Variants in SEMA6D observed in about 807,000 individuals in gnomAD.
The protein encoded by SEMA6D is semaphorin 6D, also known as semaphorin-6D.
A neutral mutation model predicts 106.6 loss-of-function variants in SEMA6D; 35 were observed. The ratio of observed to expected loss-of-function variants is 0.33; its 90% CI spans 0.25 to 0.44. The LOEUF is 0.44. Among genes scored for constraint, SEMA6D ranks in the 20% least tolerant of loss-of-function variants. The pLI, the probability that SEMA6D is intolerant of heterozygous loss-of-function variation, is 1.00. For missense variants in SEMA6D, 1,185 were observed against 1,345.9 expected (o/e 0.88, Z 1.87); for synonymous variants, 499 against 487.7 (o/e 1.02, Z -0.31).
At chr15:47,217,905 A>ACG (rs879678442) in intron 1 of SEMA6D, among the ~76,000 whole-genome samples, 5 of 149,942 alleles carry the variant, frequency 3.3e-5, no homozygotes, top group Admixed American at 2.7e-4. Context: ...ACACACACAC[A>ACG]CTTTTATAAA....
intron 2 of SEMA6D, among the ~76,000 whole-genome samples, chr15:47,454,599 G>GCACACACACA (rs71118183): frequency 0.023 from 3,441 of 148,966 alleles, 144 homozygotes; most frequent in African/African-American, 0.077. Flanking sequence ...TTGCACATGT[G>GCACACACACA]CACACACACA....
At chr15:47,264,341 GT>G (rs138062604) in intron 1 of SEMA6D, among the ~76,000 whole-genome samples, 55 of 148,814 alleles carry the variant, frequency 3.7e-4, no homozygotes, top group African/African-American at 1.1e-3. Flanking sequence ...AATTTAAAAG[GT>G]TTTTTTTTTT....
At position 47,448,374 on chromosome 15, in the gene SEMA6D, G is replaced by T. The variant is rs374158404; in HGVS notation, c.-158-22100G>T. On this transcript the variant is annotated intron_variant, in intron 2 of 19. Transcript: ENST00000558014. ...ACAGGAATAGAAATTGTCTTGTGAG[G>T]CTTCAGTGATTTGTGGCACGGCCTC... 6.6e-3 allele frequency among the ~76,000 whole-genome samples: 748 copies of T among 112,672 alleles called. 8 individuals carry two copies. The highest frequency in any genetic ancestry group is 0.033 in the African/African-American group (705 of 21,268). The allele number at this position is 112,672 out of a possible 152,430, so 73.9% of individuals were successfully genotyped here.
At chr15:47,612,377 C>T (rs538823380) in intron 4 of SEMA6D, among the ~76,000 whole-genome samples, 3 of 152,260 alleles carry the variant, frequency 2.0e-5, no homozygotes, top group African/African-American at 7.2e-5. Flanking sequence ...CCTACCTAAA[C>T]AGAAGAAATT....
intron 3 of SEMA6D, among the ~76,000 whole-genome samples, chr15:47,597,871 T>TAA (rs2076568532): frequency 6.7e-6 from 1 of 149,740 alleles, no homozygotes; most frequent in East Asian, 1.9e-4. Flanking sequence ...TATATATATA[T>TAA]AACATATAAA....
At chr15:47,476,431 A>C (rs1261142070) in intron 3 of SEMA6D, among the ~76,000 whole-genome samples, 1 of 152,124 alleles carries the variant, frequency 6.6e-6, no homozygotes, top group Non-Finnish European at 1.5e-5. Context: ...CATATATGTT[A>C]TCTCCAGGTT....
chr15:47,348,391 C>G (rs73401091), intron 1 of SEMA6D, among the ~76,000 whole-genome samples: 1,545 of 152,222 alleles, frequency 0.01, 24 homozygotes, highest in African/African-American at 0.036. Context: ...ATAAAACTCT[C>G]AGAACAGAAC....
At chr15:47,320,857 C>A (rs1220083384) in intron 1 of SEMA6D, among the ~76,000 whole-genome samples, 1 of 152,098 alleles carries the variant, frequency 6.6e-6, no homozygotes, top group African/African-American at 2.4e-5. Flanking sequence ...GCCCGCCCCC[C>A]ACCTTAGATT....
chr15:47,527,676 T>G (rs2044808759), intron 3 of SEMA6D: 1 of 152,132 alleles, frequency 6.6e-6, no homozygotes, highest in Admixed American at 6.5e-5. Flanking sequence ...TTTTGAGCAG[T>G]GGGGAAAAAG....
chr15:47,252,061 G>T (rs911332585), intron 1 of SEMA6D, among the ~76,000 whole-genome samples: 2 of 149,006 alleles, frequency 1.3e-5, no homozygotes, highest in African/African-American at 5.0e-5. Flanking sequence ...GACTACAGGC[G>T]CCCGCTACCA....
intron 2 of SEMA6D, among the ~76,000 whole-genome samples, chr15:47,434,319 G>A (rs763332834): frequency 2.0e-5 from 3 of 152,124 alleles, no homozygotes; most frequent in Non-Finnish European, 4.4e-5. Flanking sequence ...TAATCCTGTT[G>A]AAATGGGTGC....
Position 47,491,135 on chromosome 15 carries a change from T to C in SEMA6D, c.-87+20590T>C, listed in dbSNP as rs528145494. Among the ~76,000 whole-genome samples the C allele has an allele frequency of 2.6e-5, 4 of 152,326 alleles. No individual in the cohort carries two copies. In the South Asian group the frequency reaches 6.2e-4, roughly 24 times the overall value. On this transcript the variant is annotated intron_variant, in intron 3 of 19. Transcript: ENST00000558014. ...ATAAGTAGAAACACTTGCACTGATA[T>C]ACCATGCAGACATCTATACTTTTAT...
chr15:47,351,933 A>G (rs1042172375), intron 1 of SEMA6D, among the ~76,000 whole-genome samples: 1 of 152,212 alleles, frequency 6.6e-6, no homozygotes, highest in East Asian at 1.9e-4. Context: ...AAAAGAAATG[A>G]TGTGTTCTAA....
chr15:47,702,474 C>T (rs1251875286), intron 4 of SEMA6D, among the ~76,000 whole-genome samples: 1 of 152,138 alleles, frequency 6.6e-6, no homozygotes, highest in Non-Finnish European at 1.5e-5. Context: ...TCTTACAAAA[C>T]TAAACATATG....
chr15:47,279,026 A>G (rs1375477880), intron 1 of SEMA6D, among the ~76,000 whole-genome samples: 1 of 126,032 alleles, frequency 7.9e-6, no homozygotes, highest in African/African-American at 3.1e-5. Flanking sequence ...GCCTTGTAGT[A>G]TAGTTTGAAG....
At chr15:47,370,612 A>G (rs1392560838) in intron 1 of SEMA6D, among the ~76,000 whole-genome samples, 4 of 149,950 alleles carry the variant, frequency 2.7e-5, no homozygotes, top group East Asian at 2.0e-4. Flanking sequence ...TGGGAGGCCA[A>G]GGTGGGTGGA....
At chr15:47,364,723 C>T (rs554854184) in intron 1 of SEMA6D, among the ~76,000 whole-genome samples, 5 of 152,126 alleles carry the variant, frequency 3.3e-5, no homozygotes, top group African/African-American at 9.6e-5. Flanking sequence ...AAGCCTCACA[C>T]GTACTTCCTA....
At chr15:47,350,540 T>C (rs2144776854) in intron 1 of SEMA6D, among the ~76,000 whole-genome samples, 1 of 152,316 alleles carries the variant, frequency 6.6e-6, no homozygotes, top group Middle Eastern at 3.4e-3. Context: ...CTACCAGCTG[T>C]CTCCATATAC....
At chr15:47,354,064 TA>T in intron 1 of SEMA6D, among the ~76,000 whole-genome samples, 1 of 151,488 alleles carries the variant, frequency 6.6e-6, no homozygotes, top group South Asian at 2.1e-4. Flanking sequence ...TCTCTCTCTC[TA>T]CATATATATA....
Sources: allele counts gnomAD v4.1 joint callset (sites outside exome capture counted in the v4.1 genomes callset), GRCh38; gene constraint gnomAD v4.1.1; transcripts MANE v1.5; gene names NCBI Gene and HGNC (gene_info 2026-07-23, HGNC 2026-07-21).